The following CYP3A7 variants were observed in gnomAD, a reference collection of about 807,000 sequenced individuals.
The protein encoded by CYP3A7 is cytochrome P450 3A7.
CYP3A7 carries 45 observed loss-of-function variants against 55.2 expected under a neutral mutation model. That is an observed-to-expected ratio of 0.82 (90% CI 0.64 to 1.05). The LOEUF (loss-of-function observed/expected upper bound fraction) is 1.05. Among genes scored for constraint, CYP3A7 ranks in the 50% least tolerant of loss-of-function variants. The probability of loss-of-function intolerance (pLI) is 0.00; values close to 1 mark genes in which losing one functional copy is unlikely to be tolerated. For missense variants in CYP3A7, 548 were observed against 605.3 expected (o/e 0.91, Z 0.99); for synonymous variants, 180 against 207.4 (o/e 0.87, Z 1.13).
At chr7:99,710,476 GT>G (rs1167433002) in intron 10 of CYP3A7, among the ~76,000 whole-genome samples, 1 of 152,284 alleles carries the variant, frequency 6.6e-6, no homozygotes, top group East Asian at 1.9e-4. Context: ...GTTTTTGGAT[GT>G]TTTTTTACTT....
At chr7:99,718,799 C>T (rs1814071379) in intron 4 of CYP3A7, among the ~76,000 whole-genome samples, 3 of 152,188 alleles carry the variant, frequency 2.0e-5, no homozygotes, top group African/African-American at 7.2e-5. Context: ...TAAGTCAGCT[C>T]GGCAAGGTTC....
rs1398993536 is a variant in CYP3A7 at position 99,709,139 on chromosome 7, G to A, written c.1149C>T (p.Ile383=). The A allele has an allele frequency of 5.0e-6, 8 of 1,613,838 alleles. No individual in the cohort carries two copies. In the East Asian group the frequency reaches 8.9e-5, roughly 18 times the overall value. Residue 383 remains isoleucine, a synonymous_variant, in exon 11 of 13, where the codon ATC becomes ATT. Transcript: ENST00000336374. ...CCCCTTTGGGAATAAACATCCCATTGATTTCAACATCTTTTTTGCAGACCC... is the reference window on the plus strand; with the variant it reads ...CCCCTTTGGGAATAAACATCCCATTAATTTCAACATCTTTTTTGCAGACCC... ...LERVCKKDVE[I]NGMFIPKGVV...
Position 99,717,572 on chromosome 7 carries a change from A to T in CYP3A7, c.386T>A (p.Ile129Lys), listed in dbSNP as rs373559144. Residue 129 changes from isoleucine (I) to lysine (K), a missense_variant, in exon 5 of 13, where the codon ATA becomes AAA. Physicochemically the swap from Ile to Lys is moderately radical, Grantham distance 102. Transcript: ENST00000336374. ...SIAEDEEWKR[I>K]RSLLSPTFTS... ...GAATGTTGGAGACAGCAATGATCGT[A>T]TTCTCTTCCATTCTTCATCCTCAGC... is the stretch of plus-strand genomic sequence containing the variant. The T allele has an allele frequency of 5.0e-6, 8 of 1,613,632 alleles. No individual in the cohort carries two copies. Among genetic ancestry groups the T allele is most frequent in the African/African-American group, 2.7e-5 (2 of 74,894 alleles).
At chr7:99,734,431 G>A (rs1260699104) in intron 1 of CYP3A7, among the ~76,000 whole-genome samples, 5 of 151,968 alleles carry the variant, frequency 3.3e-5, no homozygotes, top group Non-Finnish European at 7.4e-5. Flanking sequence ...GGTAAGCTGG[G>A]TACAAACCAT....
chr7:99,708,467 C>G (rs2151501126), intron 11 of CYP3A7, among the ~76,000 whole-genome samples: 1 of 151,992 alleles, frequency 6.6e-6, no homozygotes, highest in Non-Finnish European at 1.5e-5. Context: ...TGTCTTACCC[C>G]TCCTTCTCTC....
chr7:99,723,612 G>A (rs1814294903), intron 2 of CYP3A7, among the ~76,000 whole-genome samples: 1 of 152,028 alleles, frequency 6.6e-6, no homozygotes, highest in African/African-American at 2.4e-5. Context: ...GGACTCCTTC[G>A]GGAGTCCCAT....
In CYP3A7 at chr7:99,732,570, C is replaced by G. The variant is rs376477409; in HGVS notation, c.72-1418G>C. Among the ~76,000 whole-genome samples the G allele has an allele frequency of 4.6e-5, 7 of 152,184 alleles. No individual in the cohort carries two copies. In the East Asian group the frequency reaches 5.8e-4, roughly 13 times the overall value. Reference sequence around the variant, plus strand: ...CTGCTTGCAACCCATCTTTGATGGGCCATGTATGGACTTCCCCAACTGGGG... The same window carrying G: ...CTGCTTGCAACCCATCTTTGATGGGGCATGTATGGACTTCCCCAACTGGGG... On this transcript the variant is annotated intron_variant, in intron 1 of 12. Transcript: ENST00000336374.
Position 99,714,725 on chromosome 7 carries a change from C to A in CYP3A7, c.671-43G>T, listed in dbSNP as rs1419254447. 6 of 1,598,904 alleles carry A rather than the reference C, an allele frequency of 3.8e-6. No individual in the cohort carries two copies. In the African/African-American group the frequency reaches 8.1e-5, roughly 22 times the overall value. ...CAACAGAAAACGAAACCATTGTGAA[C>A]ATACAAAATTTACCTGGAGCAATTC... On this transcript the variant is annotated intron_variant, in intron 7 of 12. Coordinates refer to ENST00000336374, the MANE Select transcript of CYP3A7 (RefSeq NM_000765.5).
At chr7:99,708,407 TCTC>T (rs1813601402) in intron 11 of CYP3A7, among the ~76,000 whole-genome samples, 1 of 151,746 alleles carries the variant, frequency 6.6e-6, no homozygotes, top group Admixed American at 6.6e-5. Context: ...GCACTTTCCT[TCTC>T]CTCTCGTCTC....
intron 9 of CYP3A7, 47 bp from the exon 10 acceptor site, chr7:99,710,939 G>C (rs1308595551): frequency 6.2e-7 from 1 of 1,612,728 alleles, no homozygotes; most frequent in Non-Finnish European, 8.5e-7. Flanking sequence ...TCAATGTAGG[G>C]CATCACAGTT....
intron 8 of CYP3A7, among the ~76,000 whole-genome samples, chr7:99,713,953 AC>A (rs1319120944): frequency 6.6e-6 from 1 of 152,098 alleles, no homozygotes; most frequent in African/African-American, 2.4e-5. Context: ...CACCTGGGTT[AC>A]CCCTTCTTGC....
chr7:99,727,639 C>T (rs149790298), intron 2 of CYP3A7, among the ~76,000 whole-genome samples: 1,906 of 152,256 alleles, frequency 0.013, 44 homozygotes, highest in African/African-American at 0.044. Context: ...GGCAGTTCCA[C>T]CAGGCCTAAT....
chr7:99,727,673 C>A (rs1814466286), intron 2 of CYP3A7, among the ~76,000 whole-genome samples: 2 of 152,164 alleles, frequency 1.3e-5, no homozygotes, highest in South Asian at 4.1e-4. Context: ...CAAAGGCAGG[C>A]TGTGCTATAT....
At chr7:99,711,817 A>G (rs1813760504) in intron 9 of CYP3A7, among the ~76,000 whole-genome samples, 1 of 152,110 alleles carries the variant, frequency 6.6e-6, no homozygotes, top group Admixed American at 6.6e-5. Flanking sequence ...GAAATGCAAA[A>G]TCTCAAACCC....
Position 99,707,905 on chromosome 7 carries a change from G to T in CYP3A7, c.1323C>A (p.Asn441Lys), listed in dbSNP as rs767684783. 26 of 1,613,938 alleles carry T rather than the reference G, an allele frequency of 1.6e-5. No homozygotes were observed. In the African/African-American group the frequency reaches 3.1e-4, roughly 19 times the overall value. ...CGAGAGCAAACCTCATGCCAATGCA[G>T]TTTCTGGGTCCACTTCCAAAGGGTG... is the stretch of plus-strand genomic sequence containing the variant. The part of the protein sequence containing the change: ...IYTPFGSGPR[N>K]CIGMRFALVN... The change falls in exon 12 of 13, where the codon AAC (asparagine) becomes AAA (lysine). Residue 441 changes from asparagine (N) to lysine (K), a missense_variant. Transcript: ENST00000336374.
intron 1 of CYP3A7, among the ~76,000 whole-genome samples, chr7:99,733,953 CA>C (rs879304453): frequency 3.9e-5 from 6 of 152,198 alleles, no homozygotes; most frequent in Non-Finnish European, 7.3e-5. Flanking sequence ...ACATTAGACT[CA>C]TATTCCTGAC....
chr7:99,720,440 A>G (rs1411054633), intron 3 of CYP3A7, 28 bp from the exon 4 acceptor site: 1 of 1,612,252 alleles, frequency 6.2e-7, no homozygotes. Flanking sequence ...AGTTGATTAA[A>G]CATCAACAGC....
chr7:99,708,516 T>G (rs1476837087), intron 11 of CYP3A7, among the ~76,000 whole-genome samples: 1 of 152,060 alleles, frequency 6.6e-6, no homozygotes, highest in Non-Finnish European at 1.5e-5. Context: ...TCTCTCCTTC[T>G]TTCTCCCCCA....
At position 99,715,859 on chromosome 7, in the gene CYP3A7, C is replaced by G. The variant is rs116804692; in HGVS notation, c.569G>C (p.Gly190Ala). ...ATTGTTGAGAGAGTCGATGCTCACT[C>G]CAAATGATGTGCTAGTGATCACATC... ...SMDVITSTSF[G>A]VSIDSLNNPQ... The change falls in exon 7 of 13, where the codon GGA becomes GCA. Residue 190 changes from glycine to alanine, a missense_variant. Physicochemically the swap from Gly to Ala is moderately conservative, Grantham distance 60. Transcript: ENST00000336374. 1.2e-6 allele frequency: 2 copies of G among 1,613,858 alleles called. No homozygotes were observed. The highest frequency in any genetic ancestry group is 1.3e-5 in the African/African-American group (1 of 75,012).
Sources: gnomAD v4.1 joint callset for allele counts (sites outside exome capture counted in the v4.1 genomes callset) on GRCh38, gnomAD v4.1.1 for gene constraint, MANE v1.5 for transcripts, NCBI Gene and HGNC (gene_info 2026-07-23, HGNC 2026-07-21) for gene names.